The following ADAM29 variants were observed in gnomAD, a reference collection of about 807,000 sequenced individuals.
ADAM29 encodes the protein disintegrin and metalloproteinase domain-containing protein 29.
For missense variants in ADAM29, 969 were observed against 1,001.8 expected (o/e 0.97, Z 0.44); for synonymous variants, 367 against 342.3 (o/e 1.07, Z -0.80).
Position 174,920,113 on chromosome 4 carries a change from A to G in ADAM29, c.-556-574A>G, listed in dbSNP as rs368041147. ...CATGAATCATGTTACCTATTCATAC[A>G]TAAAAGATCTGAACAAGTCAAATAT... On this transcript the variant is annotated intron_variant, in intron 1 of 4. Coordinates refer to ENST00000359240, the MANE Select transcript of ADAM29 (RefSeq NM_014269.4). Among the ~76,000 whole-genome samples, 5 of 152,306 alleles carry G rather than the reference A, an allele frequency of 3.3e-5. No individual in the cohort carries two copies. In the East Asian group the frequency reaches 5.8e-4, roughly 18 times the overall value.
chr4:174,975,217 A>T (rs1012511760), intron 4 of ADAM29, 129 bp from the exon 5 acceptor site: 3 of 245,058 alleles, frequency 1.2e-5, no homozygotes, highest in Non-Finnish European at 2.3e-5. Context: ...TTTTTGAGTC[A>T]TTCCTTGATG....
At chr4:174,962,499 G>A (rs531517854) in intron 4 of ADAM29, among the ~76,000 whole-genome samples, 63 of 144,820 alleles carry the variant, frequency 4.4e-4, no homozygotes, top group Admixed American at 9.7e-4. Context: ...GCGACAGAGC[G>A]AGACTCCGTC....
Position 174,975,770 on chromosome 4 carries a change from C to T in ADAM29, c.245C>T (p.Thr82Ile). The T allele has an allele frequency of 6.2e-7, 1 of 1,614,034 alleles. No individual in the cohort carries two copies. The highest frequency in any genetic ancestry group is 8.5e-7 in the Non-Finnish European group (1 of 1,179,968). The part of the protein sequence containing the change: ...LLFSKHLPVF[T>I]YTDQGAILED... The stretch of plus-strand genomic sequence containing the variant: ...TTTTCCAAACACCTCCCTGTGTTCA[C>T]CTACACAGACCAGGGTGCTATCCTT... Residue 82 changes from threonine (T) to isoleucine (I), a missense_variant, in exon 5 of 5, where the codon ACC becomes ATC. By Grantham distance (89) the Thr-to-Ile change is moderately conservative. Transcript: ENST00000359240.
chr4:174,934,748 C>T (rs993635914), intron 3 of ADAM29, among the ~76,000 whole-genome samples: 5 of 152,116 alleles, frequency 3.3e-5, no homozygotes, highest in African/African-American at 7.2e-5. Context: ...AATTGAAAAC[C>T]GCTGTTGTAG....
At chr4:174,974,972 G>A (rs970983696) in intron 4 of ADAM29, among the ~76,000 whole-genome samples, 3 of 152,062 alleles carry the variant, frequency 2.0e-5, no homozygotes, top group Non-Finnish European at 2.9e-5. Flanking sequence ...AATTTAACAC[G>A]TGTAAATTGA....
rs189819707 is a variant in ADAM29 at position 174,942,077 on chromosome 4, G to T, written c.-181+5064G>T. ...CTTTGACTTCATGTCTCACATCAAG[G>T]GCATGCTGATGTGAGGGGTGGGATC... On this transcript the variant is annotated intron_variant, in intron 4 of 4. Transcript: ENST00000359240. Among the ~76,000 whole-genome samples, 114 of 152,276 alleles carry T rather than the reference G, an allele frequency of 7.5e-4. 1 individual carries two copies. The highest frequency in any genetic ancestry group is 1.4e-3 in the Non-Finnish European group (93 of 68,026).
At chr4:174,919,118 C>T (rs932564288) in intron 1 of ADAM29, 2 of 152,152 alleles carry the variant, frequency 1.3e-5, no homozygotes, top group East Asian at 3.9e-4. Context: ...TAGCTGAGCT[C>T]TAGGACTGAC....
rs78280171 is a variant in ADAM29 at position 174,977,404 on chromosome 4, C to A, written c.1879C>A (p.Pro627Thr). Residue 627 changes from proline to threonine, a missense_variant, in exon 5 of 5, where the codon CCT becomes ACT. By Grantham distance (38) the Pro-to-Thr change is conservative (BLOSUM62 -1). Transcript: ENST00000359240. Reference protein sequence around the residue: ...HITILNSNCSPAFCNKRGICN... With the variant: ...HITILNSNCSTAFCNKRGICN... Reference sequence around the variant, plus strand: ...AACCATCTTGAATAGTAATTGCTCACCTGCATTTTGTAACAAGAGGGGCAT... The same window carrying A: ...AACCATCTTGAATAGTAATTGCTCAACTGCATTTTGTAACAAGAGGGGCAT... 3.7e-5 allele frequency: 59 copies of A among 1,613,972 alleles called. No homozygotes were observed. The South Asian group carries it at 6.3e-4, about 17-fold the overall frequency.
intron 2 of ADAM29, among the ~76,000 whole-genome samples, chr4:174,930,560 A>C (rs1249922474): frequency 6.6e-6 from 1 of 152,198 alleles, no homozygotes; most frequent in East Asian, 1.9e-4. Flanking sequence ...AAGTCCTTAA[A>C]AATTAAATTT....
At chr4:174,948,407 A>C (rs1446266045) in intron 4 of ADAM29, among the ~76,000 whole-genome samples, 1 of 152,082 alleles carries the variant, frequency 6.6e-6, no homozygotes, top group Non-Finnish European at 1.5e-5. Context: ...CACTGACTTC[A>C]CTTCCGGAGG....
chr4:174,928,495 G>A (rs533247928), intron 2 of ADAM29, among the ~76,000 whole-genome samples: 15 of 151,424 alleles, frequency 9.9e-5, no homozygotes, highest in Non-Finnish European at 2.2e-4. Context: ...TAAGACCCAT[G>A]GGAAGGGAGG....
intron 4 of ADAM29, among the ~76,000 whole-genome samples, chr4:174,955,492 C>A (rs1337039544): frequency 2.0e-5 from 3 of 152,094 alleles, no homozygotes; most frequent in African/African-American, 7.2e-5. Flanking sequence ...TTATTGCTAT[C>A]AACAAACAAT....
chr4:174,947,122 G>T lies in ADAM29; in HGVS notation c.-181+10109G>T, dbSNP rs1255524924. The stretch of plus-strand genomic sequence containing the variant: ...TCATCATTTCTCATTGGGCTTATTT[G>T]GATCTCTCTCTCTCTCTCTTTTATT... On this transcript the variant is annotated intron_variant, in intron 4 of 4. Coordinates refer to ENST00000359240, the MANE Select transcript of ADAM29 (RefSeq NM_014269.4). 2.0e-5 allele frequency among the ~76,000 whole-genome samples: 3 copies of T among 151,498 alleles called. No individual in the cohort carries two copies. The East Asian group carries it at 5.8e-4, about 29-fold the overall frequency.
chr4:174,950,400 C>A (rs1271964052), intron 4 of ADAM29, among the ~76,000 whole-genome samples: 1 of 152,168 alleles, frequency 6.6e-6, no homozygotes, highest in South Asian at 2.1e-4. Flanking sequence ...TTGTTAGTGG[C>A]ATAACTAACA....
At chr4:174,974,290 T>A (rs534668732) in intron 4 of ADAM29, among the ~76,000 whole-genome samples, 2 of 152,354 alleles carry the variant, frequency 1.3e-5, no homozygotes, top group South Asian at 4.1e-4. Flanking sequence ...GTTATTATTT[T>A]TGTCTATGCC....
At chr4:174,929,715 T>G (rs1743739907) in intron 2 of ADAM29, among the ~76,000 whole-genome samples, 1 of 151,902 alleles carries the variant, frequency 6.6e-6, no homozygotes, top group South Asian at 2.1e-4. Flanking sequence ...TTTCATTGTT[T>G]ATACATCTCT....
At chr4:174,958,243 G>C (rs112411761) in intron 4 of ADAM29, among the ~76,000 whole-genome samples, 1 of 121,238 alleles carries the variant, frequency 8.2e-6, no homozygotes, top group Admixed American at 7.8e-5. Flanking sequence ...ATTACTGATG[G>C]GGGGGTGGGG....
intron 4 of ADAM29, among the ~76,000 whole-genome samples, chr4:174,970,859 C>CT (rs1265272509): frequency 6.6e-6 from 1 of 151,934 alleles, no homozygotes; most frequent in Non-Finnish European, 1.5e-5. Context: ...ATTGAGTCTT[C>CT]TTTTTTTCTT....
intron 4 of ADAM29, among the ~76,000 whole-genome samples, chr4:174,955,002 A>C (rs10000224): frequency 0.44 from 67,175 of 151,850 alleles, 15,873 homozygotes; most frequent in African/African-American, 0.62. Context: ...TTTTAGATTT[A>C]TATCATAAAG....
Sources: gnomAD v4.1 joint callset for allele counts (sites outside exome capture counted in the v4.1 genomes callset) on GRCh38, gnomAD v4.1.1 for gene constraint, MANE v1.5 for transcripts, NCBI Gene and HGNC (gene_info 2026-07-23, HGNC 2026-07-21) for gene names.